ZNF536: variants seen among roughly 807,000 people sequenced by gnomAD.
The protein encoded by ZNF536 is zinc finger protein 536.
A neutral mutation model predicts 84.5 loss-of-function variants in ZNF536; 13 were observed. The ratio of observed to expected loss-of-function variants is 0.15; its 90% confidence interval spans 0.10 to 0.24. The LOEUF is 0.24. ZNF536 is among the 10% of genes least tolerant of loss of function. The pLI is 1.00. For missense variants in ZNF536, 1,536 were observed against 1,747.5 expected (o/e 0.88, Z 2.16); for synonymous variants, 811 against 742.5 (o/e 1.09, Z -1.50).
chr19:30,708,546 G>C (rs147168881), intron 1 of ZNF536, among the ~76,000 whole-genome samples: 3 of 152,314 alleles, frequency 2.0e-5, no homozygotes, highest in African/African-American at 4.8e-5. Flanking sequence ...CAGGCTGGCG[G>C]TGGGAAACTG....
intron 1 of ZNF536, among the ~76,000 whole-genome samples, chr19:30,256,788 G>A (rs1176977144): frequency 3.3e-5 from 5 of 152,100 alleles, no homozygotes; most frequent in African/African-American, 4.8e-5. Flanking sequence ...GAAGACTTCC[G>A]GGAGATGGAG....
rs1409329677 is a variant in ZNF536 at position 30,687,222 on chromosome 19, C to T, written c.170-23535C>T. ...TTCATCCTCTTTTTGGCAAATCTAG[C>T]CCATCTTGCTGACTTGCAAAACAGG... On this transcript the variant is annotated intron_variant, in intron 1 of 1. Coordinates refer to the ZNF536 transcript ENST00000592773. Among the ~76,000 whole-genome samples the T allele has an allele frequency of 3.3e-5, 5 of 152,254 alleles. No individual in the cohort carries two copies. In the East Asian group the frequency reaches 9.7e-4, roughly 29 times the overall value.
chr19:30,665,383 TAA>T (rs1435522161), intron 1 of ZNF536: 3 of 152,158 alleles, frequency 2.0e-5, no homozygotes, highest in Non-Finnish European at 4.4e-5. Context: ...TAATAATCCA[TAA>T]GCAGTAATGC....
chr19:30,290,687 T>C (rs1029769608), intron 2 of ZNF536, among the ~76,000 whole-genome samples: 8 of 152,174 alleles, frequency 5.3e-5, no homozygotes, highest in Admixed American at 5.2e-4. Context: ...TTTAAAAAAT[T>C]TTACTTTAAG....
chr19:30,462,402 G>C (rs2053182773), intron 2 of ZNF536, among the ~76,000 whole-genome samples: 1 of 152,056 alleles, frequency 6.6e-6, no homozygotes. Flanking sequence ...TGGTGATGCT[G>C]TATGTATATC....
At chr19:30,289,559 T>C (rs2045763504) in intron 2 of ZNF536, among the ~76,000 whole-genome samples, 1 of 152,202 alleles carries the variant, frequency 6.6e-6, no homozygotes, top group Admixed American at 6.5e-5. Context: ...TGGCCACACA[T>C]GGGATGCAAG....
upstream of ZNF536, among the ~76,000 whole-genome samples, chr19:30,369,196 G>C (rs2048533276): frequency 6.6e-6 from 1 of 152,090 alleles, no homozygotes; most frequent in Admixed American, 6.5e-5. Context: ...CTGCCTTGTT[G>C]CTATTAAGTT....
At chr19:30,243,542 C>T (rs147855727) in intron 1 of ZNF536, among the ~76,000 whole-genome samples, 278 of 152,272 alleles carry the variant, frequency 1.8e-3, no homozygotes, top group African/African-American at 6.3e-3. Context: ...AAAACTGACA[C>T]GAGATTCCTT....
intron 1 of ZNF536, among the ~76,000 whole-genome samples, chr19:30,685,367 C>A (rs191015360): frequency 6.6e-6 from 1 of 152,110 alleles, no homozygotes; most frequent in Non-Finnish European, 1.5e-5. Context: ...GCTCTTACAG[C>A]GGGAGTGTTT....
intron 1 of ZNF536, among the ~76,000 whole-genome samples, chr19:30,611,719 C>A (rs1025767678): frequency 1.3e-5 from 2 of 152,144 alleles, no homozygotes; most frequent in Non-Finnish European, 2.9e-5. Context: ...GAGTGTCAAA[C>A]AAAATGTGAT....
chr19:30,265,415 T>C (rs1019290698), intron 1 of ZNF536, among the ~76,000 whole-genome samples: 4 of 152,066 alleles, frequency 2.6e-5, no homozygotes, highest in Non-Finnish European at 4.4e-5. Flanking sequence ...CTTCTGCAGG[T>C]CTCCCTTCAT....
intron 1 of ZNF536, among the ~76,000 whole-genome samples, chr19:30,624,909 C>CTCCTT (rs2048618936): frequency 6.6e-6 from 1 of 152,074 alleles, no homozygotes; most frequent in African/African-American, 2.4e-5. Context: ...TGGCAAGTTC[C>CTCCTT]TCCTTTCCTC....
chr19:30,590,541 G>T (rs2047241854), intron 1 of ZNF536, among the ~76,000 whole-genome samples: 1 of 152,164 alleles, frequency 6.6e-6, no homozygotes, highest in Non-Finnish European at 1.5e-5. Context: ...TCTGTAAAAA[G>T]GTCCTATGGA....
intron 1 of ZNF536, among the ~76,000 whole-genome samples, chr19:30,441,511 C>T (rs1298844047): frequency 6.6e-6 from 1 of 152,158 alleles, no homozygotes; most frequent in African/African-American, 2.4e-5. Context: ...TGTCCACCAT[C>T]ATGTCTCCAG....
At chr19:30,582,375 CTTTTTTTTTTT>C (rs35509271) in intron 1 of ZNF536, among the ~76,000 whole-genome samples, 4 of 89,174 alleles carry the variant, frequency 4.5e-5, no homozygotes, top group Admixed American at 1.5e-4. Context: ...CCTAGTTTCT[CTTTTTTTTTTT>C]TTTTTTTTTT....
At chr19:30,355,328 A>G (rs1423206293) in intron 3 of ZNF536, among the ~76,000 whole-genome samples, 1 of 152,032 alleles carries the variant, frequency 6.6e-6, no homozygotes, top group Non-Finnish European at 1.5e-5. Context: ...GTGAGAACTC[A>G]CTCATCACCA....
chr19:30,601,477 G>A (rs1449353493), intron 1 of ZNF536, among the ~76,000 whole-genome samples: 1 of 152,154 alleles, frequency 6.6e-6, no homozygotes, highest in Non-Finnish European at 1.5e-5. Flanking sequence ...TCTGGGCTAC[G>A]CTAGGAGGGC....
chr19:30,480,395 T>A (rs1371016786), intron 2 of ZNF536, among the ~76,000 whole-genome samples: 2 of 152,188 alleles, frequency 1.3e-5, no homozygotes, highest in African/African-American at 2.4e-5. Flanking sequence ...TTGCTCTGAA[T>A]TGAACTTTTA....
chr19:30,636,941 A>C (rs542315579), intron 1 of ZNF536, among the ~76,000 whole-genome samples: 140 of 152,108 alleles, frequency 9.2e-4, no homozygotes, highest in African/African-American at 3.3e-3. Context: ...CATGACAGTC[A>C]TTTTTCTCCT....
Sources: allele counts gnomAD v4.1 joint callset (sites outside exome capture counted in the v4.1 genomes callset), GRCh38; gene constraint gnomAD v4.1.1; transcripts MANE v1.5; gene names NCBI Gene and HGNC (gene_info 2026-07-23, HGNC 2026-07-21).